MMP17: variants seen among roughly 807,000 people sequenced by gnomAD.
MMP17 encodes the protein matrix metallopeptidase 17.
MMP17 carries 54 observed loss-of-function variants against 49.1 expected under a neutral mutation model. The ratio of observed to expected loss-of-function variants is 1.10; its 90% CI spans 0.88 to 1.38. The LOEUF (loss-of-function observed/expected upper bound fraction) is 1.38, where lower values mean the gene tolerates loss of function less well. MMP17 is among the 40% of genes most tolerant of loss of function. The pLI is 0.00. For synonymous variants in MMP17, 397 were observed against 383.1 expected (o/e 1.04, Z -0.42); for missense variants, 837 against 853.7 (o/e 0.98, Z 0.24).
chr12:131,834,362 G>A (rs554999897), intron 1 of MMP17, among the ~76,000 whole-genome samples: 32 of 151,634 alleles, frequency 2.1e-4, no homozygotes, highest in African/African-American at 5.1e-4. Context: ...GCACCCGCCC[G>A]CCACAGCCTC....
chr12:131,840,214 A>C, intron 3 of MMP17: 1 of 229,606 alleles, frequency 4.4e-6, no homozygotes, highest in African/African-American at 2.2e-5. Context: ...GGCCCTGGCT[A>C]GTGTGAGGGC....
At chr12:131,849,641 GC>G (rs1244491726) in intron 8 of MMP17, among the ~76,000 whole-genome samples, 160 bp from the exon 9 acceptor site, 1 of 152,162 alleles carries the variant, frequency 6.6e-6, no homozygotes, top group Non-Finnish European at 1.5e-5. Flanking sequence ...TATCCATGTG[GC>G]CCCTGTGATG....
chr12:131,844,944 C>A (rs1887614951), intron 6 of MMP17, 174 bp from the exon 7 acceptor site: 1 of 429,368 alleles, frequency 2.3e-6, no homozygotes, highest in Non-Finnish European at 4.0e-6. Flanking sequence ...CCCGCTGAAG[C>A]GGTGGACAGG....
rs1403300020 is a variant in MMP17, at chr12:131,840,622, G to T, written c.472G>T (p.Ala158Ser). 2 of 1,608,514 alleles carry T rather than the reference G, an allele frequency of 1.2e-6. No homozygotes were observed. Among genetic ancestry groups the T allele is most frequent in the Admixed American group, 1.7e-5 (1 of 59,984 alleles). ...ACCACTGGGGCACGACACGGTGCGT[G>T]CACTCATGTACTACGCCCTCAAGGT... ...DSPLGHDTVR[A>S]LMYYALKVWS... The change falls in exon 4 of 10, where the codon GCA becomes TCA. Residue 158 changes from alanine (A) to serine (S), a missense_variant. Coordinates refer to ENST00000360564, the MANE Select transcript of MMP17 (RefSeq NM_016155.7).
Position 131,849,675 on chromosome 12 carries a change from C to T in MMP17, c.1205-127C>T, listed in dbSNP as rs1593239887. The T allele has an allele frequency of 8.6e-6, 9 of 1,043,354 alleles. No individual in the cohort carries two copies. In the East Asian group the frequency reaches 1.5e-4, roughly 17 times the overall value. The allele number at this position is 1,043,354 out of a possible 1,614,324, so 64.6% of individuals were successfully genotyped here. ...ATGTGGGGTGATTGCAGTGTGGCCG[C>T]TGTCCCATCAAGCCCAGGTGAGGGG... On this transcript the variant is annotated intron_variant, in intron 8 of 9. Transcript: ENST00000360564.
In MMP17 at chr12:131,850,013, GA is replaced by G; in HGVS notation, c.1417del (p.Arg473GlyfsTer129). 6.2e-7 allele frequency: 1 copy of G among 1,613,444 alleles called. No homozygotes were observed. Among genetic ancestry groups the G allele is most frequent in the Non-Finnish European group, 8.5e-7 (1 of 1,179,876 alleles). On this transcript the variant is annotated frameshift_variant, in exon 9 of 10. Coordinates refer to ENST00000360564, the MANE Select transcript of MMP17 (RefSeq NM_016155.7). LOFTEE classifies it low-confidence loss of function (END_TRUNC). ...PGYPAQSPLWRGVPSTLDDAM... is the reference protein window; with the variant it reads ...PGYPAQSPLWXGVPSTLDDAM... Reference sequence around the variant, plus strand: ...GCTACCCCGCCCAGAGCCCCCTGTGGAGGGGTGTCCCCAGCACGCTGGACGA... The same window carrying G: ...GCTACCCCGCCCAGAGCCCCCTGTGGGGGGTGTCCCCAGCACGCTGGACGA...
intron 1 of MMP17, among the ~76,000 whole-genome samples, chr12:131,833,223 G>A (rs1325834560): frequency 6.6e-6 from 1 of 152,290 alleles, no homozygotes; most frequent in African/African-American, 2.4e-5. Context: ...CAGTGCCTGA[G>A]GGACATGGGC....
In MMP17 at chr12:131,828,484, A is replaced by G. The variant is rs1231490229; in HGVS notation, c.-11A>G. On this transcript the variant is annotated 5_prime_UTR_variant, in exon 1 of 10. The change abolishes an upstream ATG in the 5' untranslated region. Transcript: ENST00000360564. Reference sequence around the variant, plus strand: ...GACCCTGCACGCCGCCCGCGGGCCCATGTGAGCGCCATGCGGCGCCGCGCA... The same window carrying G: ...GACCCTGCACGCCGCCCGCGGGCCCGTGTGAGCGCCATGCGGCGCCGCGCA... 10 of 991,904 alleles carry G rather than the reference A, an allele frequency of 1.0e-5. No homozygotes were observed. The highest frequency in any genetic ancestry group is 1.1e-5 in the Non-Finnish European group (9 of 835,264). 61.4% of individuals were successfully genotyped at this position (991,904 alleles called of 1,614,324 possible).
chr12:131,849,075 CTT>C (rs1395789378), intron 8 of MMP17, among the ~76,000 whole-genome samples: 1 of 152,228 alleles, frequency 6.6e-6, no homozygotes, highest in Non-Finnish European at 1.5e-5. Context: ...ACACAGGTGA[CTT>C]TCCACGTTCT....
chr12:131,839,317 C>CTTT (rs112712084), intron 3 of MMP17, among the ~76,000 whole-genome samples: 1 of 145,438 alleles, frequency 6.9e-6, no homozygotes, highest in Admixed American at 6.9e-5. Context: ...GACCCTATTT[C>CTTT]TTTTTTTTTT....
At chr12:131,838,138 T>C in intron 1 of MMP17, 57 bp from the exon 2 acceptor site, 4 of 1,524,728 alleles carry the variant, frequency 2.6e-6, no homozygotes, top group East Asian at 4.6e-5. Flanking sequence ...GGCAGGCTTC[T>C]CACTGGGTAG....
At chr12:131,838,365 C>A in intron 2 of MMP17, 38 bp downstream of exon 2, 1 of 1,605,814 alleles carries the variant, frequency 6.2e-7, no homozygotes, top group Non-Finnish European at 8.5e-7. Context: ...GCCGTGGCCC[C>A]CGTCAGGTCT....
At chr12:131,835,710 A>G (rs948360503) in intron 1 of MMP17, among the ~76,000 whole-genome samples, 3 of 152,148 alleles carry the variant, frequency 2.0e-5, no homozygotes, top group South Asian at 2.1e-4. Flanking sequence ...TTCCCTGGTG[A>G]GGGGGCAGGG....
intron 1 of MMP17, among the ~76,000 whole-genome samples, chr12:131,835,357 G>A (rs1033225723): frequency 6.6e-6 from 1 of 152,248 alleles, no homozygotes; most frequent in African/African-American, 2.4e-5. Context: ...AAGCAGGCTG[G>A]CCGCTCACAC....
intron 5 of MMP17, among the ~76,000 whole-genome samples, chr12:131,843,381 G>C (rs1476495217): frequency 2.7e-5 from 4 of 150,652 alleles, no homozygotes; most frequent in African/African-American, 9.8e-5. Flanking sequence ...GAACAGCTGG[G>C]ACTACAGGCA....
Position 131,851,132 on chromosome 12 carries a change from G to A in MMP17, c.1670G>A (p.Gly557Asp). Residue 557 changes from glycine (G) to aspartate (D), a missense_variant, in exon 10 of 10, where the codon GGT becomes GAT. Coordinates refer to ENST00000360564, the MANE Select transcript of MMP17 (RefSeq NM_016155.7). Reference sequence around the variant, plus strand: ...CATGACCAGAGCCGCTCGGAGGACGGTTACGAGGTCTGCTCATGCACCTCT... The same window carrying A: ...CATGACCAGAGCCGCTCGGAGGACGATTACGAGGTCTGCTCATGCACCTCT... ...GQHDQSRSED[G>D]YEVCSCTSGA... is the part of the protein sequence containing the mutation. 6.3e-7 allele frequency: 1 copy of A among 1,580,510 alleles called. No homozygotes were observed. The highest frequency in any genetic ancestry group is 8.6e-7 in the Non-Finnish European group (1 of 1,163,832).
chr12:131,833,334 C>T (rs1036695742), intron 1 of MMP17, among the ~76,000 whole-genome samples: 1 of 152,360 alleles, frequency 6.6e-6, no homozygotes, highest in African/African-American at 2.4e-5. Flanking sequence ...CCGCCTGAGA[C>T]GCGTGTATGT....
At chr12:131,833,242 C>T (rs1020345506) in intron 1 of MMP17, among the ~76,000 whole-genome samples, 3 of 152,248 alleles carry the variant, frequency 2.0e-5, no homozygotes, top group Admixed American at 6.5e-5. Context: ...GCACGAATGA[C>T]GTGGGCATGG....
chr12:131,844,938 C>T, intron 6 of MMP17, 180 bp from the exon 7 acceptor site: 5 of 437,780 alleles, frequency 1.1e-5, no homozygotes, highest in South Asian at 6.0e-5. Context: ...CCCCCGCCCG[C>T]TGAAGCGGTG....
Sources: gnomAD v4.1 joint callset for allele counts (sites outside exome capture counted in the v4.1 genomes callset) on GRCh38, gnomAD v4.1.1 for gene constraint, MANE v1.5 for transcripts, NCBI Gene and HGNC (gene_info 2026-07-23, HGNC 2026-07-21) for gene names.